PCM1: variants seen among roughly 807,000 people sequenced by gnomAD.
The protein encoded by PCM1 is pericentriolar material 1 protein.
In PCM1, 157 loss-of-function variants were observed where a neutral mutation model predicts 241.9. That is an observed-to-expected ratio of 0.65 (90% CI 0.57 to 0.74). The LOEUF (loss-of-function observed/expected upper bound fraction) is 0.74. Ranked by LOEUF, PCM1 falls within the 30% of genes least tolerant of loss-of-function variation. PCM1 has a pLI of 0.00. For synonymous variants in PCM1, 1,085 were observed against 784.9 expected (o/e 1.38, Z -6.39); for missense variants, 3,478 against 2,360.1 (o/e 1.47, Z -9.81).
intron 9 of PCM1, among the ~76,000 whole-genome samples, chr8:17,954,316 A>C (rs886888124): frequency 2.6e-5 from 4 of 151,340 alleles, no homozygotes; most frequent in African/African-American, 9.7e-5. Context: ...AATCTCAGCT[A>C]CTCCGGAGGC....
chr8:18,010,855 C>T (rs1489878281), intron 32 of PCM1, among the ~76,000 whole-genome samples, 187 bp downstream of exon 32: 1 of 152,102 alleles, frequency 6.6e-6, no homozygotes, highest in Non-Finnish European at 1.5e-5. Context: ...TGCCTATAGT[C>T]CCAGCTATTC....
chr8:18,010,141 A>G (rs919855586), intron 31 of PCM1, among the ~76,000 whole-genome samples: 4 of 152,136 alleles, frequency 2.6e-5, no homozygotes, highest in Admixed American at 2.0e-4. Flanking sequence ...GTCAACACAA[A>G]TGCTTATTAG....
intron 7 of PCM1, among the ~76,000 whole-genome samples, chr8:17,948,409 A>G (rs1209074594): frequency 7.3e-6 from 1 of 136,102 alleles, no homozygotes; most frequent in Non-Finnish European, 1.5e-5. Flanking sequence ...GGTTCAAGTG[A>G]TTCTCCTGCC....
intron 24 of PCM1, among the ~76,000 whole-genome samples, chr8:17,984,762 G>A (rs1356280142): frequency 6.6e-6 from 1 of 151,860 alleles, no homozygotes; most frequent in East Asian, 1.9e-4. Context: ...AGTAAATTTA[G>A]CCGAATTGTA....
chr8:17,977,445 G>A (rs78260961), intron 23 of PCM1, among the ~76,000 whole-genome samples: 3,098 of 152,198 alleles, frequency 0.02, 111 homozygotes, highest in African/African-American at 0.071. Context: ...ACAATATTTG[G>A]GAAAATTATT....
intron 6 of PCM1, among the ~76,000 whole-genome samples, chr8:17,946,832 AGTGTGTGTGTGTGTGTGTGTGT>A (rs368892136): frequency 1.1e-4 from 15 of 138,296 alleles, no homozygotes; most frequent in East Asian, 8.6e-4. Flanking sequence ...TAGATTCTTC[AGTGTGTGTGTGTGTGTGTGTGT>A]GTGTGTGTGT....
intron 6 of PCM1, among the ~76,000 whole-genome samples, chr8:17,942,565 A>C (rs144287282): frequency 0.012 from 1,873 of 152,136 alleles, 15 homozygotes; most frequent in Admixed American, 0.017. Context: ...TTTTTAGAAA[A>C]ATTATCCAGT....
rs1018700566 is a variant in PCM1, at chr8:17,973,893, A to C, written c.3943+1206A>C. Among the ~76,000 whole-genome samples the C allele has an allele frequency of 2.0e-5, 3 of 152,176 alleles. No individual in the cohort carries two copies. In the South Asian group the frequency reaches 6.2e-4, roughly 32 times the overall value. ...GAAAATACACTTGTAAACTTTGGCA[A>C]CCTTCATCTTAATCACTTTTGGATA... On this transcript the variant is annotated intron_variant, in intron 23 of 38. Coordinates refer to ENST00000325083, the MANE Select transcript of PCM1 (RefSeq NM_006197.4).
At position 18,027,780 on chromosome 8, in the gene PCM1, G is replaced by T; in HGVS notation, c.*118G>T. The stretch of plus-strand genomic sequence containing the variant: ...TAAATTAGTTTGACACTGCTTTTTT[G>T]ATAGGTGTGGTCATTTCTCCCCATG... On this transcript the variant is annotated 3_prime_UTR_variant, in exon 39 of 39. Transcript: ENST00000325083. 1 of 616,344 alleles carries T rather than the reference G, an allele frequency of 1.6e-6. No homozygotes were observed. The highest frequency in any genetic ancestry group is 3.3e-5 in the South Asian group (1 of 30,016). 38.2% of individuals were successfully genotyped at this position (616,344 alleles called of 1,614,324 possible).
intron 26 of PCM1, among the ~76,000 whole-genome samples, chr8:17,987,732 G>GA (rs1359523745): frequency 6.6e-6 from 1 of 151,864 alleles, no homozygotes; most frequent in African/African-American, 2.4e-5. Flanking sequence ...GATACTCACA[G>GA]ATCTGAAGCA....
intron 38 of PCM1, 127 bp from the exon 39 acceptor site, chr8:18,027,510 C>A: frequency 3.4e-6 from 2 of 591,016 alleles, no homozygotes; most frequent in South Asian, 3.4e-5. Context: ...ATTGTATTAG[C>A]AAGCTAATTT....
chr8:17,936,597 A>C (rs2060495516), intron 3 of PCM1, among the ~76,000 whole-genome samples: 1 of 152,206 alleles, frequency 6.6e-6, no homozygotes, highest in African/African-American at 2.4e-5. Context: ...GGTACTAATT[A>C]GTTTTAATCC....
intron 27 of PCM1, 62 bp downstream of exon 27, chr8:17,990,041 T>C: frequency 7.4e-7 from 1 of 1,352,958 alleles, no homozygotes; most frequent in Non-Finnish European, 9.8e-7. Context: ...AGTCTTTGAA[T>C]TGGCGTTGAT....
chr8:18,006,906 T>C (rs976903907), intron 30 of PCM1, among the ~76,000 whole-genome samples: 3 of 152,042 alleles, frequency 2.0e-5, no homozygotes, highest in Admixed American at 6.6e-5. Context: ...CAGCAAGTAG[T>C]GTGGAGAAGG....
At chr8:17,932,063 A>T (rs534590757) in intron 2 of PCM1, among the ~76,000 whole-genome samples, 1 of 152,154 alleles carries the variant, frequency 6.6e-6, no homozygotes, top group African/African-American at 2.4e-5. Flanking sequence ...TTACTTTTTT[A>T]TATTACTTTT....
chr8:17,961,184 T>C (rs893593005), intron 15 of PCM1, among the ~76,000 whole-genome samples: 4 of 152,196 alleles, frequency 2.6e-5, no homozygotes, highest in South Asian at 2.1e-4. Flanking sequence ...TAGGATCTTA[T>C]ACATGGGTCT....
chr8:17,953,586 T>TA (rs895112206), intron 9 of PCM1, among the ~76,000 whole-genome samples: 2 of 151,830 alleles, frequency 1.3e-5, no homozygotes, highest in South Asian at 2.1e-4. Flanking sequence ...TAGTGTGTAT[T>TA]AAAAAAAACA....
At chr8:17,959,952 G>C in intron 13 of PCM1, 62 bp from the exon 14 acceptor site, 1 of 1,476,372 alleles carries the variant, frequency 6.8e-7, no homozygotes, top group Non-Finnish European at 9.3e-7. Flanking sequence ...TATTTACTAA[G>C]GTATGAATTG....
At chr8:18,013,776 G>T in intron 34 of PCM1, 188 bp from the exon 35 acceptor site, 1 of 532,176 alleles carries the variant, frequency 1.9e-6, no homozygotes, top group Non-Finnish European at 3.3e-6. Flanking sequence ...AAGGCAACAA[G>T]GAAACCCTTT....
Sources: allele counts gnomAD v4.1 joint callset (sites outside exome capture counted in the v4.1 genomes callset), GRCh38; gene constraint gnomAD v4.1.1; transcripts MANE v1.5; gene names NCBI Gene and HGNC (gene_info 2026-07-23, HGNC 2026-07-21).